The following PTPRD variants were observed in gnomAD, a reference collection of about 807,000 sequenced individuals.
The protein encoded by PTPRD is receptor-type tyrosine-protein phosphatase delta.
A neutral mutation model predicts 214.5 loss-of-function variants in PTPRD; 34 were observed. That is an observed-to-expected ratio of 0.16 (90% CI 0.12 to 0.21). PTPRD has a LOEUF of 0.21. Among genes scored for constraint, PTPRD ranks in the 10% least tolerant of loss-of-function variants. The pLI is 1.00. For synonymous variants in PTPRD, 1,128 were observed against 845.7 expected (o/e 1.33, Z -5.79); for missense variants, 2,545 against 2,398.7 (o/e 1.06, Z -1.27).
intron 5 of PTPRD, among the ~76,000 whole-genome samples, chr9:9,846,709 A>G (rs746260504): frequency 2.0e-5 from 3 of 152,126 alleles, no homozygotes; most frequent in Non-Finnish European, 4.4e-5. Context: ...GCCAAACACC[A>G]ACTAAACCAA....
chr9:9,379,905 C>T (rs1413491876), intron 9 of PTPRD, among the ~76,000 whole-genome samples: 1 of 151,848 alleles, frequency 6.6e-6, no homozygotes, highest in African/African-American at 2.4e-5. Flanking sequence ...GTTTTAGTTG[C>T]TTATTAGTTC....
chr9:10,511,799 T>G (rs375132119), intron 2 of PTPRD, among the ~76,000 whole-genome samples: 1 of 149,336 alleles, frequency 6.7e-6, no homozygotes, highest in African/African-American at 2.5e-5. Flanking sequence ...CCACATGTCC[T>G]TTACTCAACT....
chr9:8,653,504 G>T (rs2096853126), intron 12 of PTPRD, among the ~76,000 whole-genome samples: 1 of 152,114 alleles, frequency 6.6e-6, no homozygotes, highest in South Asian at 2.1e-4. Flanking sequence ...GAACCCTTTA[G>T]TATATTTCCA....
chr9:10,456,136 C>G (rs1168237523), intron 2 of PTPRD, among the ~76,000 whole-genome samples: 1 of 151,856 alleles, frequency 6.6e-6, no homozygotes, highest in Non-Finnish European at 1.5e-5. Flanking sequence ...ACTTCAGACT[C>G]TGTTCCATTC....
At chr9:9,347,293 G>C (rs564294529) in intron 9 of PTPRD, among the ~76,000 whole-genome samples, 2 of 147,758 alleles carry the variant, frequency 1.4e-5, no homozygotes, top group Non-Finnish European at 3.0e-5. Flanking sequence ...CTATACTTCA[G>C]AGGACTCTCT....
intron 3 of PTPRD, among the ~76,000 whole-genome samples, chr9:10,107,384 T>C (rs1270866039): frequency 2.0e-5 from 3 of 152,074 alleles, no homozygotes; most frequent in Non-Finnish European, 4.4e-5. Context: ...ATAAAGATCA[T>C]GCTGCATAAA....
intron 10 of PTPRD, among the ~76,000 whole-genome samples, chr9:9,090,352 C>A (rs2099773796): frequency 6.6e-6 from 1 of 152,118 alleles, no homozygotes; most frequent in Non-Finnish European, 1.5e-5. Context: ...AACATAATGA[C>A]CTCCAGTTCC....
At chr9:10,594,195 A>G (rs535933509) in intron 2 of PTPRD, among the ~76,000 whole-genome samples, 1 of 152,088 alleles carries the variant, frequency 6.6e-6, no homozygotes, top group African/African-American at 2.4e-5. Flanking sequence ...ATTACAGAGG[A>G]CACTTTACTT....
At chr9:9,474,825 T>G (rs1368014841) in intron 8 of PTPRD, among the ~76,000 whole-genome samples, 4 of 152,172 alleles carry the variant, frequency 2.6e-5, no homozygotes, top group Non-Finnish European at 5.9e-5. Flanking sequence ...ATTCTAGGAC[T>G]TTTTGTTGGA....
At chr9:9,789,031 C>A (rs537433742) in intron 5 of PTPRD, among the ~76,000 whole-genome samples, 1 of 152,296 alleles carries the variant, frequency 6.6e-6, no homozygotes, top group African/African-American at 2.4e-5. Flanking sequence ...TATCAGCCTA[C>A]CTGACACATT....
intron 8 of PTPRD, among the ~76,000 whole-genome samples, chr9:9,570,433 C>T (rs568694322): frequency 6.6e-6 from 1 of 151,600 alleles, no homozygotes; most frequent in South Asian, 2.1e-4. Flanking sequence ...GCATCAATTA[C>T]CTCTATATGT....
intron 34 of PTPRD, among the ~76,000 whole-genome samples, chr9:8,448,952 C>A (rs1399844645): frequency 2.6e-5 from 4 of 152,104 alleles, no homozygotes; most frequent in Non-Finnish European, 5.9e-5. Context: ...GATAGGGTCA[C>A]TCGGTTTTAT....
At chr9:10,082,101 T>A (rs2098248232) in intron 3 of PTPRD, among the ~76,000 whole-genome samples, 2 of 152,102 alleles carry the variant, frequency 1.3e-5, no homozygotes, top group Non-Finnish European at 2.9e-5. Context: ...GTTGGCTCCA[T>A]ACAAAATGAA....
At chr9:10,116,966 A>C (rs1191639878) in intron 3 of PTPRD, among the ~76,000 whole-genome samples, 1 of 152,120 alleles carries the variant, frequency 6.6e-6, no homozygotes, top group African/African-American at 2.4e-5. Flanking sequence ...ATCTATGCTA[A>C]GTATTTTATT....
At chr9:8,465,158 T>C (rs1415209993) in intron 32 of PTPRD, among the ~76,000 whole-genome samples, 1 of 151,956 alleles carries the variant, frequency 6.6e-6, no homozygotes, top group Non-Finnish European at 1.5e-5. Flanking sequence ...TTGTAAGCAA[T>C]GATGGTTCTA....
chr9:9,142,199 T>C (rs552489827), intron 10 of PTPRD, among the ~76,000 whole-genome samples: 6 of 152,280 alleles, frequency 3.9e-5, no homozygotes, highest in South Asian at 2.1e-4. Flanking sequence ...GCAAATCCCA[T>C]AGAAGCCCTA....
At chr9:10,422,103 C>A (rs1313220192) in intron 2 of PTPRD, among the ~76,000 whole-genome samples, 1 of 151,826 alleles carries the variant, frequency 6.6e-6, no homozygotes, top group South Asian at 2.1e-4. Context: ...GTACTGGTAC[C>A]AAAACAAGAT....
chr9:10,340,817 T>C (rs1382504886), intron 3 of PTPRD, 146 bp downstream of exon 3: 1 of 151,924 alleles, frequency 6.6e-6, no homozygotes, highest in Non-Finnish European at 1.5e-5. Flanking sequence ...GGCACACCAT[T>C]AGTGCACTGA....
chr9:10,381,866 G>T (rs183633738), intron 2 of PTPRD, among the ~76,000 whole-genome samples: 1 of 151,858 alleles, frequency 6.6e-6, no homozygotes, highest in East Asian at 1.9e-4. Context: ...AATCTCTGTA[G>T]CTCTCAGTTT....
Sources: allele counts gnomAD v4.1 joint callset (sites outside exome capture counted in the v4.1 genomes callset), GRCh38; gene constraint gnomAD v4.1.1; transcripts MANE v1.5; gene names NCBI Gene and HGNC (gene_info 2026-07-23, HGNC 2026-07-21).